The following SUN3 variants were observed in gnomAD, a reference collection of about 807,000 sequenced individuals.
SUN3 encodes the protein SUN domain-containing protein 3.
In SUN3, 36 loss-of-function variants were observed where a neutral mutation model predicts 48.2. That is an observed-to-expected ratio of 0.75 (90% CI 0.57 to 0.99). The LOEUF (loss-of-function observed/expected upper bound fraction) is 0.99. SUN3 is among the 50% of genes least tolerant of loss of function. The probability of loss-of-function intolerance (pLI) is 0.00; values close to 1 mark genes in which losing one functional copy is unlikely to be tolerated. For synonymous variants in SUN3, 148 were observed against 147.9 expected (o/e 1.00, Z 0.00); for missense variants, 419 against 433.1 (o/e 0.97, Z 0.29).
intron 8 of SUN3, 119 bp from the exon 9 acceptor site, chr7:47,988,999 A>G (rs571424808): frequency 1.2e-4 from 72 of 607,180 alleles, no homozygotes; most frequent in Non-Finnish European, 1.8e-4. Context: ...TGCTGTGATC[A>G]TGCCAGTACT....
At chr7:48,031,629 A>G (rs2128786606), upstream of SUN3, among the ~76,000 whole-genome samples, 1 of 152,348 alleles carries the variant, frequency 6.6e-6, no homozygotes, top group South Asian at 2.1e-4. Flanking sequence ...ATTATGAAAA[A>G]CAGTATGGAA....
chr7:48,028,934 C>G lies in SUN3; in HGVS notation c.5G>C (p.Ser2Thr), dbSNP rs1790213143. 1 of 1,613,906 alleles carries G rather than the reference C, an allele frequency of 6.2e-7. No homozygotes were observed. The highest frequency in any genetic ancestry group is 1.1e-5 in the South Asian group (1 of 91,084). The change falls in exon 1 of 10, where the codon AGT (serine) becomes ACT (threonine). Residue 2 changes from serine (S) to threonine (T), a missense_variant. Ser to Thr is a moderately conservative substitution (Grantham distance 58). Transcript: ENST00000297325. M[S>T]GKTKARRAAM... The stretch of plus-strand genomic sequence containing the variant: ...AGCCCTTCTTGCCTTTGTTTTTCCA[C>G]TCATGATCCCCTACCAAAGAACAAA...
At chr7:47,995,701 A>T (rs1789191931) in intron 7 of SUN3, among the ~76,000 whole-genome samples, 1 of 152,230 alleles carries the variant, frequency 6.6e-6, no homozygotes, top group Non-Finnish European at 1.5e-5. Flanking sequence ...TGTTTGTTGA[A>T]TGACTGAAGT....
upstream of SUN3, among the ~76,000 whole-genome samples, chr7:48,031,424 G>A (rs909487840): frequency 2.6e-5 from 4 of 152,142 alleles, no homozygotes; most frequent in East Asian, 5.8e-4. Flanking sequence ...CCAGCTACTC[G>A]GGATGCTGAG....
rs548453512 is a variant in SUN3, at chr7:48,003,407, T to C, written c.577+2562A>G. ...ATTGCCCTTGCTATTTTTGGTTTCA[T>C]ATGAATTTTAAAATAGTTTTATCTA... is the stretch of plus-strand genomic sequence containing the variant. On this transcript the variant is annotated intron_variant, in intron 6 of 9. Coordinates refer to ENST00000297325, the MANE Select transcript of SUN3 (RefSeq NM_001030019.2). Among the ~76,000 whole-genome samples, 13 of 152,360 alleles carry C rather than the reference T, an allele frequency of 8.5e-5. No individual in the cohort carries two copies. In the South Asian group the frequency reaches 2.3e-3, roughly 27 times the overall value.
intron 2 of SUN3, 64 bp downstream of exon 2, chr7:48,025,813 C>T: frequency 8.9e-7 from 1 of 1,124,594 alleles, no homozygotes; most frequent in East Asian, 2.4e-5. Context: ...CCGTTGAGAT[C>T]TCTCTCACCA....
At chr7:47,992,026 C>G (rs994324727) in intron 8 of SUN3, among the ~76,000 whole-genome samples, 3 of 152,118 alleles carry the variant, frequency 2.0e-5, no homozygotes, top group African/African-American at 4.8e-5. Flanking sequence ...CCCAGCAGCT[C>G]ATGGTGTGGT....
chr7:48,021,149 T>C (rs1789983280), intron 2 of SUN3, among the ~76,000 whole-genome samples: 1 of 151,900 alleles, frequency 6.6e-6, no homozygotes, highest in Admixed American at 6.6e-5. Context: ...GCCAAGAACA[T>C]ACGCTGGGGA....
intron 8 of SUN3, among the ~76,000 whole-genome samples, chr7:47,991,968 C>A (rs936355974): frequency 6.6e-6 from 1 of 152,200 alleles, no homozygotes; most frequent in Admixed American, 6.5e-5. Context: ...GAACCGCCCA[C>A]AAGAGCATGG....
chr7:48,011,181 T>C (rs1162776012), intron 3 of SUN3, among the ~76,000 whole-genome samples: 1 of 152,236 alleles, frequency 6.6e-6, no homozygotes, highest in African/African-American at 2.4e-5. Context: ...TAGACATATC[T>C]TTTTGGGAAT....
rs1583764922 is a variant in SUN3 at position 48,008,951 on chromosome 7, T to C, written c.329+84A>G. 5 of 1,334,648 alleles carry C rather than the reference T, an allele frequency of 3.7e-6. No homozygotes were observed. In the Admixed American group the frequency reaches 1.1e-4, roughly 30 times the overall value. 82.7% of individuals were successfully genotyped at this position (1,334,648 alleles called of 1,614,324 possible). A position where few individuals can be genotyped will look rare whatever the true frequency, so the allele number is the denominator to read the frequency against. On this transcript the variant is annotated intron_variant, in intron 4 of 9. Coordinates refer to ENST00000297325, the MANE Select transcript of SUN3 (RefSeq NM_001030019.2). ...TTGAGTTATTTCAGGGAGTAACTTT[T>C]CTTTCTTATACTTTTCTGTACGAAA...
In SUN3 at chr7:48,017,184, A is replaced by G. The variant is rs1283584156; in HGVS notation, c.288+78T>C. 4.3e-6 allele frequency: 3 copies of G among 690,004 alleles called. No individual in the cohort carries two copies. The African/African-American group carries it at 5.5e-5, about 13-fold the overall frequency. The allele number at this position is 690,004 out of a possible 1,614,324, so 42.7% of individuals were successfully genotyped here. A position where few individuals can be genotyped will look rare whatever the true frequency, so the allele number is the denominator to read the frequency against. On this transcript the variant is annotated intron_variant, in intron 3 of 9. Transcript: ENST00000297325. Reference sequence around the variant, plus strand: ...TATTCTCATATAAAACAAAGATAACATATTGAAAGTTGAACTAGCCTTGTA... The same window carrying G: ...TATTCTCATATAAAACAAAGATAACGTATTGAAAGTTGAACTAGCCTTGTA...
At chr7:47,994,938 T>C (rs1021483952) in intron 7 of SUN3, among the ~76,000 whole-genome samples, 2 of 151,946 alleles carry the variant, frequency 1.3e-5, no homozygotes, top group African/African-American at 4.8e-5. Flanking sequence ...GTAATGGTGA[T>C]GGTAGTAATG....
chr7:48,023,255 A>G (rs578160827), intron 2 of SUN3, among the ~76,000 whole-genome samples: 1 of 152,278 alleles, frequency 6.6e-6, no homozygotes, highest in African/African-American at 2.4e-5. Flanking sequence ...AGAGGAGTAA[A>G]TCCCAGTGAA....
intron 2 of SUN3, among the ~76,000 whole-genome samples, chr7:48,022,625 C>T (rs929814239): frequency 3.6e-4 from 54 of 151,030 alleles, no homozygotes; most frequent in African/African-American, 1.2e-3. Context: ...TGAAAAAGTT[C>T]CAAAGTTGAT....
At chr7:48,035,539 G>A in the SUN3 span, 1 of 698,514 alleles carries the variant, frequency 1.4e-6, no homozygotes, top group East Asian at 2.7e-5. The surrounding 1 kb of genome is among the most constrained non-coding windows in gnomAD (Gnocchi z 4.0). Flanking sequence ...CGCGCTGGGA[G>A]TTTGGGTTTG....
rs999349017 is a variant in SUN3, at chr7:48,020,328, A to G, written c.185-2963T>C. On this transcript the variant is annotated intron_variant, in intron 2 of 9. Coordinates refer to ENST00000297325, the MANE Select transcript of SUN3 (RefSeq NM_001030019.2). Reference sequence around the variant, plus strand: ...AACATACCTCAACGTAATAAAAGCCATGAATGACAGACAGATCCACAGCTG... The same window carrying G: ...AACATACCTCAACGTAATAAAAGCCGTGAATGACAGACAGATCCACAGCTG... 5.9e-5 allele frequency among the ~76,000 whole-genome samples: 9 copies of G among 152,312 alleles called. No individual in the cohort carries two copies. The East Asian group carries it at 1.7e-3, about 29-fold the overall frequency.
chr7:48,005,268 C>A (rs1244549111), intron 6 of SUN3, among the ~76,000 whole-genome samples: 1 of 152,128 alleles, frequency 6.6e-6, no homozygotes, highest in African/African-American at 2.4e-5. Flanking sequence ...AAAGTTCTGC[C>A]CTCTAACTCA....
chr7:48,030,448 A>G (rs1448401435), upstream of SUN3, among the ~76,000 whole-genome samples: 5 of 152,232 alleles, frequency 3.3e-5, no homozygotes, highest in Admixed American at 3.3e-4. Flanking sequence ...TGTGATACAC[A>G]TGCACAGTAT....
Sources: allele counts gnomAD v4.1 joint callset (sites outside exome capture counted in the v4.1 genomes callset), GRCh38; gene constraint gnomAD v4.1.1; non-coding constraint Gnocchi (gnomAD v3.1); transcripts MANE v1.5; gene names NCBI Gene and HGNC (gene_info 2026-07-23, HGNC 2026-07-21).